The following KIAA1217 variants were observed in gnomAD, a reference collection of about 807,000 sequenced individuals.
The protein encoded by KIAA1217 is KIAA1217, also known as sickle tail protein homolog.
KIAA1217 carries 88 observed loss-of-function variants against 163.9 expected under a neutral mutation model. That is an observed-to-expected ratio of 0.54 (90% CI 0.45 to 0.64). The LOEUF (loss-of-function observed/expected upper bound fraction) is 0.64, where lower values mean the gene tolerates loss of function less well. KIAA1217 is among the 30% of genes least tolerant of loss of function. KIAA1217 has a pLI of 0.00. For synonymous variants in KIAA1217, 903 were observed against 923.1 expected (o/e 0.98, Z 0.39); for missense variants, 2,372 against 2,475.0 (o/e 0.96, Z 0.88).
At chr10:23,844,338 GAAGT>G (rs1329642324) in intron 1 of KIAA1217, among the ~76,000 whole-genome samples, 1 of 152,110 alleles carries the variant, frequency 6.6e-6, no homozygotes, top group Non-Finnish European at 1.5e-5. Context: ...TGGGGTTTGA[GAAGT>G]GAGTAGAATA....
chr10:23,990,952 G>A (rs1297144185), intron 1 of KIAA1217, among the ~76,000 whole-genome samples: 1 of 152,122 alleles, frequency 6.6e-6, no homozygotes, highest in East Asian at 1.9e-4. Flanking sequence ...TATGAGCGAG[G>A]GAATTGCAGG....
chr10:23,813,903 G>A (rs1837192496), intron 1 of KIAA1217, among the ~76,000 whole-genome samples: 1 of 152,136 alleles, frequency 6.6e-6, no homozygotes, highest in Admixed American at 6.6e-5. Context: ...GTAACTGTGT[G>A]AACATTTCTC....
At chr10:24,305,430 A>T (rs964707842) in intron 2 of KIAA1217, among the ~76,000 whole-genome samples, 1 of 152,230 alleles carries the variant, frequency 6.6e-6, no homozygotes, top group African/African-American at 2.4e-5. Context: ...ACATCTGAGC[A>T]TTAGCAGGCG....
chr10:24,505,555 C>G (rs11591516), intron 9 of KIAA1217, among the ~76,000 whole-genome samples: 1 of 151,864 alleles, frequency 6.6e-6, no homozygotes, highest in Non-Finnish European at 1.5e-5. Context: ...TGCACTTCTT[C>G]CCCTCCTTGT....
intron 1 of KIAA1217, among the ~76,000 whole-genome samples, chr10:23,934,557 G>GTGTATATATA (rs1491341162): frequency 4.5e-5 from 2 of 44,348 alleles, no homozygotes. Flanking sequence ...GGTCTTTAAA[G>GTGTATATATA]TATATATATA....
chr10:24,043,862 C>A (rs1329720843), intron 2 of KIAA1217, among the ~76,000 whole-genome samples: 1 of 151,908 alleles, frequency 6.6e-6, no homozygotes, highest in Non-Finnish European at 1.5e-5. Flanking sequence ...TTTAAATAGA[C>A]TTAGTGGGTG....
At chr10:24,125,452 A>T (rs542703131) in intron 2 of KIAA1217, among the ~76,000 whole-genome samples, 1 of 151,946 alleles carries the variant, frequency 6.6e-6, no homozygotes, top group Non-Finnish European at 1.5e-5. Flanking sequence ...AGCTACATTT[A>T]TAATGAATTG....
At chr10:23,933,400 T>C (rs1353299857) in intron 1 of KIAA1217, among the ~76,000 whole-genome samples, 2 of 152,238 alleles carry the variant, frequency 1.3e-5, no homozygotes, top group African/African-American at 4.8e-5. Context: ...TCACTGCTCC[T>C]AGAGCAGGGC....
intron 2 of KIAA1217, among the ~76,000 whole-genome samples, chr10:24,053,617 A>G (rs1324761802): frequency 6.6e-6 from 1 of 152,074 alleles, no homozygotes; most frequent in Non-Finnish European, 1.5e-5. Flanking sequence ...GCCTTTGCCC[A>G]CTCAAAAAAT....
chr10:23,896,848 A>G (rs1841728483), intron 1 of KIAA1217, among the ~76,000 whole-genome samples: 1 of 152,080 alleles, frequency 6.6e-6, no homozygotes, highest in African/African-American at 2.4e-5. Context: ...GTGAAAATAG[A>G]CTTCTTAAAA....
At chr10:23,961,621 A>G (rs1388491680) in intron 1 of KIAA1217, among the ~76,000 whole-genome samples, 2 of 152,200 alleles carry the variant, frequency 1.3e-5, no homozygotes, top group African/African-American at 4.8e-5. Flanking sequence ...TTGTAATGTG[A>G]TAAATCAAAC....
chr10:24,074,060 T>A (rs1041543642), intron 2 of KIAA1217, among the ~76,000 whole-genome samples: 2 of 151,720 alleles, frequency 1.3e-5, no homozygotes, highest in East Asian at 3.9e-4. Context: ...AAAAAAAAAT[T>A]AGGCCAGGCA....
chr10:24,217,375 T>C (rs1030719313), intron 1 of KIAA1217, among the ~76,000 whole-genome samples: 1 of 152,204 alleles, frequency 6.6e-6, no homozygotes, highest in East Asian at 1.9e-4. Flanking sequence ...CTGCTGAAAC[T>C]AATGAAAAGT....
chr10:23,875,437 C>T lies in KIAA1217; in HGVS notation c.-320-131788C>T, dbSNP rs538655506. Among the ~76,000 whole-genome samples, 9 of 152,050 alleles carry T rather than the reference C, an allele frequency of 5.9e-5. No individual in the cohort carries two copies. In the South Asian group the frequency reaches 1.9e-3, roughly 32 times the overall value. On this transcript the variant is annotated intron_variant, in intron 1 of 18. Transcript: ENST00000376462. ...GATATCCAAGAAAAGAGTGGTTGGC[C>T]TCTATTTTAACCACTGTTTCAACTT...
intron 2 of KIAA1217, among the ~76,000 whole-genome samples, chr10:24,332,030 A>G (rs2045746356): frequency 6.6e-6 from 1 of 152,118 alleles, no homozygotes; most frequent in African/African-American, 2.4e-5. Context: ...TGCACTCCTA[A>G]CCTCAGGTGA....
chr10:24,360,700 T>G (rs2049857083), intron 2 of KIAA1217, among the ~76,000 whole-genome samples: 1 of 152,182 alleles, frequency 6.6e-6, no homozygotes, highest in African/African-American at 2.4e-5. Flanking sequence ...CTCGCTAGGT[T>G]CAGGGCACCC....
chr10:24,209,218 T>G lies in KIAA1217; in HGVS notation c.25T>G (p.Cys9Gly). ...AATGGAAGAAAATGAAAGCCAGAAA[T>G]GTGAGCCGTGCCTTCCTTACTCAGC... The part of the protein sequence containing the change: MEENESQK[C>G]EPCLPYSADR... Residue 9 changes from cysteine (C) to glycine (G), a missense_variant, in exon 1 of 21, where the codon TGT becomes GGT. Coordinates refer to ENST00000376454, the MANE Select transcript of KIAA1217 (RefSeq NM_019590.5). 1 of 1,613,702 alleles carries G rather than the reference T, an allele frequency of 6.2e-7. No homozygotes were observed. The highest frequency in any genetic ancestry group is 2.2e-5 in the East Asian group (1 of 44,840).
Position 24,138,780 on chromosome 10 carries a change from C to T in KIAA1217, c.-170-80846C>T, listed in dbSNP as rs143464501. 1.1e-3 allele frequency among the ~76,000 whole-genome samples: 172 copies of T among 152,262 alleles called. 1 individual carries two copies. Among genetic ancestry groups the T allele is most frequent in the African/African-American group, 4.0e-3 (168 of 41,562 alleles). On this transcript the variant is annotated intron_variant, in intron 2 of 18. Coordinates refer to the KIAA1217 transcript ENST00000376462. Reference sequence around the variant, plus strand: ...TTACATTCTTAAGAATCTTCACACACATCCTGAACCCAGTGTCTAAAATGT... The same window carrying T: ...TTACATTCTTAAGAATCTTCACACATATCCTGAACCCAGTGTCTAAAATGT...
At chr10:24,520,651 A>AATATATATATATAT (rs71472811) in intron 11 of KIAA1217, among the ~76,000 whole-genome samples, 4 of 39,650 alleles carry the variant, frequency 1.0e-4, no homozygotes, top group African/African-American at 3.5e-4. Flanking sequence ...AAAAAAAAAA[A>AATATATATATATAT]ATATATATAT....
Sources: gnomAD v4.1 joint callset for allele counts (sites outside exome capture counted in the v4.1 genomes callset) on GRCh38, gnomAD v4.1.1 for gene constraint, MANE v1.5 for transcripts, NCBI Gene and HGNC (gene_info 2026-07-23, HGNC 2026-07-21) for gene names.